The following PCDHGA4 variants were observed in gnomAD, a reference collection of about 807,000 sequenced individuals.
PCDHGA4 encodes protocadherin gamma subfamily A, 4.
PCDHGA4 carries 38 observed loss-of-function variants against 54.6 expected under a neutral mutation model. The ratio of observed to expected loss-of-function variants is 0.70; its 90% confidence interval spans 0.54 to 0.91. The LOEUF (loss-of-function observed/expected upper bound fraction) is 0.91, where lower values mean the gene tolerates loss of function less well. PCDHGA4 is among the 40% of genes least tolerant of loss of function. The pLI, the probability that PCDHGA4 is intolerant of heterozygous loss-of-function variation, is 0.00. For missense variants in PCDHGA4, 1,298 were observed against 1,220.9 expected, an observed-to-expected ratio of 1.06 and a Z score of -0.94; for synonymous variants, 511 against 512.9, an observed-to-expected ratio of 1.00 and a Z score of 0.05.
intron 1 of PCDHGA4, among the ~76,000 whole-genome samples, chr5:141,467,820 G>T (rs1278112158): frequency 6.6e-6 from 1 of 151,884 alleles, no homozygotes; most frequent in African/African-American, 2.4e-5. Flanking sequence ...CACCACACCA[G>T]GCTGATTTTT....
At position 141,421,915 on chromosome 5, in the gene PCDHGA4, C is replaced by T. The variant is rs751221129; in HGVS notation, c.2514+64294C>T. ...CATCCGAAAGGGCGCAGTTCCCATT[C>T]GTGTGGTGGTCCTCGATGTAAATGA... is the stretch of plus-strand genomic sequence containing the variant. On this transcript the variant is annotated intron_variant, in intron 1 of 3. Transcript: ENST00000571252. 18 of 1,613,504 alleles carry T rather than the reference C, an allele frequency of 1.1e-5. No individual in the cohort carries two copies. The South Asian group carries it at 1.5e-4, about 14-fold the overall frequency.
At chr5:141,420,883 C>A (rs992351503) in intron 1 of PCDHGA4, among the ~76,000 whole-genome samples, 1 of 152,216 alleles carries the variant, frequency 6.6e-6, no homozygotes, top group Non-Finnish European at 1.5e-5. Context: ...TATTGTGTAT[C>A]ATCGTTTTTA....
chr5:141,461,773 C>T (rs894271810), intron 1 of PCDHGA4, among the ~76,000 whole-genome samples: 3 of 152,108 alleles, frequency 2.0e-5, no homozygotes, highest in Non-Finnish European at 4.4e-5. Context: ...CCTGCCTCAG[C>T]CTCCCAAGTA....
intron 1 of PCDHGA4, chr5:141,371,538 A>T: frequency 6.2e-7 from 1 of 1,613,804 alleles, no homozygotes; most frequent in Non-Finnish European, 8.5e-7. Context: ...TAATGGAGAA[A>T]TCCTATGCCA....
At chr5:141,381,949 C>T (rs897929706) in intron 1 of PCDHGA4, among the ~76,000 whole-genome samples, 2 of 150,880 alleles carry the variant, frequency 1.3e-5, no homozygotes, top group Non-Finnish European at 2.9e-5. Context: ...CCTGCCTCAG[C>T]CTCCTGAGTA....
intron 1 of PCDHGA4, chr5:141,426,204 T>C (rs10046053): frequency 0.11 from 17,599 of 155,696 alleles, 1,197 homozygotes; most frequent in African/African-American, 0.19. Flanking sequence ...TTGAGTTTTC[T>C]ATGTATGGAA....
intron 1 of PCDHGA4, chr5:141,362,620 T>G (rs763103959): frequency 6.5e-7 from 1 of 1,527,082 alleles, no homozygotes; most frequent in Non-Finnish European, 8.8e-7. Context: ...GGGTAGGAAG[T>G]TCCACTGCGT....
At position 141,357,248 on chromosome 5, in the gene PCDHGA4, A is replaced by G. The variant is rs750346912; in HGVS notation, c.2141A>G (p.Asp714Gly). ...TTGGGCAGCCTCAAGCCTTCAGCAG[A>G]CCCAGACGACTCGGGCCTCACACTC... ...ADLGSLKPSA[D>G]PDDSGLTLYL... is the part of the protein sequence containing the mutation. Residue 714 changes from aspartate to glycine, a missense_variant, in exon 1 of 4, where the codon GAC becomes GGC. Physicochemically the swap from Asp to Gly is moderately conservative, Grantham distance 94. Transcript: ENST00000571252. 1 of 1,613,188 alleles carries G rather than the reference A, an allele frequency of 6.2e-7. No homozygotes were observed. The highest frequency in any genetic ancestry group is 1.1e-5 in the South Asian group (1 of 91,046).
Position 141,511,015 on chromosome 5 carries a change from C to A in PCDHGA4, c.2731C>A (p.Pro911Thr). Residue 911 changes from proline (P) to threonine (T), a missense_variant, in exon 4 of 4, where the codon CCC becomes ACC. Coordinates refer to ENST00000571252, the MANE Select transcript of PCDHGA4 (RefSeq NM_018917.4). ...GTMGLSARYG[P>T]QFTLQHVPDY... ...CATGGGATTGAGCGCCCGCTACGGA[C>A]CCCAGTTCACCCTGCAGCACGTGCC... 6.2e-7 allele frequency: 1 copy of A among 1,614,224 alleles called. No individual in the cohort carries two copies. The highest frequency in any genetic ancestry group is 8.5e-7 in the Non-Finnish European group (1 of 1,180,038).
intron 1 of PCDHGA4, chr5:141,379,491 C>T (rs1173749207): frequency 6.6e-6 from 1 of 152,150 alleles, no homozygotes; most frequent in Non-Finnish European, 1.5e-5. Context: ...ACTATACTAC[C>T]AATTTGGGAT....
intron 1 of PCDHGA4, chr5:141,366,487 G>C (rs962948172): frequency 6.2e-7 from 1 of 1,614,236 alleles, no homozygotes; most frequent in East Asian, 2.2e-5. Flanking sequence ...TGAGGCGCTG[G>C]CACAAGTCAC....
chr5:141,420,382 C>A, intron 1 of PCDHGA4: 1 of 1,300,530 alleles, frequency 7.7e-7, no homozygotes. Flanking sequence ...ATAGAGTTCG[C>A]AAAATATAGG....
intron 1 of PCDHGA4, chr5:141,372,446 T>C: frequency 6.2e-7 from 1 of 1,614,030 alleles, no homozygotes; most frequent in Non-Finnish European, 8.5e-7. Context: ...CCTCTGACCC[T>C]CAGGCGGAGC....
In PCDHGA4 at chr5:141,418,905, T is replaced by C. The variant is rs144920415; in HGVS notation, c.2514+61284T>C. The C allele has an allele frequency of 5.0e-6, 8 of 1,613,944 alleles. No homozygotes were observed. The East Asian group carries it at 1.8e-4, about 36-fold the overall frequency. ...AACGACAACAGCCCAGAAATAATCA[T>C]CACGTCACTCTCTGATCAGATTATG... On this transcript the variant is annotated intron_variant, in intron 1 of 3. Coordinates refer to ENST00000571252, the MANE Select transcript of PCDHGA4 (RefSeq NM_018917.4).
Position 141,387,745 on chromosome 5 carries a change from C to T in PCDHGA4, c.2514+30124C>T, listed in dbSNP as rs933790239. On this transcript the variant is annotated intron_variant, in intron 1 of 3. Coordinates refer to ENST00000571252, the MANE Select transcript of PCDHGA4 (RefSeq NM_018917.4). ...CCCAGCGCCAGCCTTTACACCGCTT[C>T]CTCCTCGGAAAAAGAAGAATTTTTT... 4 of 1,355,066 alleles carry T rather than the reference C, an allele frequency of 3.0e-6. No homozygotes were observed. In the Admixed American group the frequency reaches 8.1e-5, roughly 28 times the overall value. 83.9% of individuals were successfully genotyped at this position (1,355,066 alleles called of 1,614,324 possible).
At chr5:141,393,736 A>G in intron 1 of PCDHGA4, 1 of 1,613,892 alleles carries the variant, frequency 6.2e-7, no homozygotes, top group Non-Finnish European at 8.5e-7. Flanking sequence ...AAAAGTCTAG[A>G]TTATGAAGAA....
Position 141,356,015 on chromosome 5 carries a change from G to A in PCDHGA4, c.908G>A (p.Gly303Glu). ...GTAAAAGCCACTGATCCAGATGAAG[G>A]AGCCAATGGAGACGTGACGTATTCT... ...LTVKATDPDE[G>E]ANGDVTYSFR... is the part of the protein sequence containing the mutation. Residue 303 changes from glycine to glutamate, a missense_variant, in exon 1 of 4, where the codon GGA becomes GAA. Coordinates refer to ENST00000571252, the MANE Select transcript of PCDHGA4 (RefSeq NM_018917.4). The A allele has an allele frequency of 6.2e-7, 1 of 1,613,926 alleles. No homozygotes were observed. Among genetic ancestry groups the A allele is most frequent in the Non-Finnish European group, 8.5e-7 (1 of 1,179,898 alleles).
chr5:141,484,750 G>GTATA (rs545232987), intron 1 of PCDHGA4, among the ~76,000 whole-genome samples: 1 of 149,818 alleles, frequency 6.7e-6, no homozygotes, highest in Non-Finnish European at 1.5e-5. Context: ...GAAAAAAAAT[G>GTATA]TATATATATA....
chr5:141,370,051 A>G (rs1766638664), intron 1 of PCDHGA4, among the ~76,000 whole-genome samples: 1 of 152,244 alleles, frequency 6.6e-6, no homozygotes, highest in African/African-American at 2.4e-5. Flanking sequence ...ATGTTTTTTA[A>G]AAGTCCTTTT....
Sources: allele counts gnomAD v4.1 joint callset (sites outside exome capture counted in the v4.1 genomes callset), GRCh38; gene constraint gnomAD v4.1.1; transcripts MANE v1.5; gene names NCBI Gene and HGNC (gene_info 2026-07-23, HGNC 2026-07-21).